Variants in LRMDA observed in about 807,000 individuals in gnomAD.
The protein encoded by LRMDA is leucine rich melanocyte differentiation associated, also known as leucine-rich melanocyte differentiation-associated protein.
In LRMDA, 18 loss-of-function variants were observed where a neutral mutation model predicts 29.8. The ratio of observed to expected loss-of-function variants is 0.60; its 90% CI spans 0.42 to 0.90. The LOEUF (loss-of-function observed/expected upper bound fraction) is 0.90. Among genes scored for constraint, LRMDA ranks in the 40% least tolerant of loss-of-function variants. The pLI, the probability that LRMDA is intolerant of heterozygous loss-of-function variation, is 0.00. For synonymous variants in LRMDA, 125 were observed against 109.4 expected (o/e 1.14, Z -0.89); for missense variants, 273 against 273.9 (o/e 1.00, Z 0.02).
intron 2 of LRMDA, among the ~76,000 whole-genome samples, chr10:75,492,553 C>A (rs1004564422): frequency 6.6e-6 from 1 of 152,172 alleles, no homozygotes; most frequent in Non-Finnish European, 1.5e-5. Context: ...AAGACTTGTT[C>A]TCCTCTAGAA....
At chr10:76,289,807 G>A (rs965015810) in intron 5 of LRMDA, among the ~76,000 whole-genome samples, 1 of 152,094 alleles carries the variant, frequency 6.6e-6, no homozygotes, top group Admixed American at 6.6e-5. Context: ...AATCCTTTTC[G>A]AGCATCTGAT....
At chr10:75,957,529 C>T (rs1846684624) in intron 2 of LRMDA, among the ~76,000 whole-genome samples, 1 of 152,134 alleles carries the variant, frequency 6.6e-6, no homozygotes, top group South Asian at 2.1e-4. Context: ...TCATTGTCAC[C>T]AACGGGCCTA....
At chr10:75,792,867 G>A (rs752964770) in intron 2 of LRMDA, among the ~76,000 whole-genome samples, 4 of 152,216 alleles carry the variant, frequency 2.6e-5, no homozygotes, top group Non-Finnish European at 5.9e-5. Context: ...CACCTGGTGA[G>A]TGCTATGTAA....
rs1843568421 is a variant in LRMDA at position 76,557,190 on chromosome 10, T to A, written c.602-19T>A. The A allele has an allele frequency of 6.2e-7, 1 of 1,601,772 alleles. No homozygotes were observed. The highest frequency in any genetic ancestry group is 1.3e-5 in the African/African-American group (1 of 74,590). ...GCTAAGTGTGCCACCTGTAATGATG[T>A]GTGTCTTTTTATTTGCAGGTGTCCT... On this transcript the variant is annotated intron_variant, in intron 6 of 6. Coordinates refer to ENST00000611255, the MANE Select transcript of LRMDA (RefSeq NM_001305581.2).
intron 5 of LRMDA, among the ~76,000 whole-genome samples, chr10:76,280,871 C>G (rs1589408640): frequency 6.6e-6 from 1 of 152,044 alleles, no homozygotes; most frequent in Non-Finnish European, 1.5e-5. Context: ...GTAAAATGAT[C>G]CCTGCCTTCA....
intron 5 of LRMDA, among the ~76,000 whole-genome samples, chr10:76,086,814 T>G (rs1380045747): frequency 6.6e-6 from 1 of 152,126 alleles, no homozygotes; most frequent in Non-Finnish European, 1.5e-5. Flanking sequence ...TCAGGCACAT[T>G]CTAGAACTGC....
In LRMDA at chr10:76,145,748, G is replaced by A. The variant is rs1274752546; in HGVS notation, c.516+86965G>A. On this transcript the variant is annotated intron_variant, in intron 5 of 6. Transcript: ENST00000611255. ...CTTCTGCTAGCTTTTGAATGTGTTT[G>A]GTCTTGCTTTTCTAGTTCTTTTAAT... Among the ~76,000 whole-genome samples, 5 of 151,954 alleles carry A rather than the reference G, an allele frequency of 3.3e-5. No homozygotes were observed. In the East Asian group the frequency reaches 9.7e-4, roughly 30 times the overall value.
chr10:75,491,227 C>T (rs1378198158), intron 2 of LRMDA, among the ~76,000 whole-genome samples: 1 of 152,174 alleles, frequency 6.6e-6, no homozygotes, highest in African/African-American at 2.4e-5. Context: ...CTCCCACCAA[C>T]TGTTTTAAGA....
At chr10:75,960,324 G>A (rs943564498) in intron 2 of LRMDA, among the ~76,000 whole-genome samples, 8 of 152,238 alleles carry the variant, frequency 5.3e-5, no homozygotes, top group Middle Eastern at 3.4e-3. Flanking sequence ...TGATCATTGC[G>A]GCAAAGGAAG....
intron 2 of LRMDA, among the ~76,000 whole-genome samples, chr10:75,837,968 CCGATCTCAGAAGCTTGTTTTTCAA>C (rs2132297783): frequency 6.6e-6 from 1 of 151,934 alleles, no homozygotes; most frequent in African/African-American, 2.4e-5. Flanking sequence ...CTTTTTGTAC[CCGATCTCAGAAGCTTGTTTTTCAA>C]CTGAATTGAA....
At chr10:76,281,110 C>A (rs985037527) in intron 5 of LRMDA, among the ~76,000 whole-genome samples, 5 of 152,126 alleles carry the variant, frequency 3.3e-5, no homozygotes, top group African/African-American at 1.2e-4. Context: ...TCATTCTGCT[C>A]GTGGTAGAAT....
intron 5 of LRMDA, among the ~76,000 whole-genome samples, chr10:76,252,519 C>A (rs976999438): frequency 6.6e-6 from 1 of 152,190 alleles, no homozygotes; most frequent in East Asian, 1.9e-4. Flanking sequence ...TGGCCAAGAG[C>A]AGAGCCATTT....
At chr10:75,770,427 A>C (rs1843224257) in intron 2 of LRMDA, among the ~76,000 whole-genome samples, 1 of 152,240 alleles carries the variant, frequency 6.6e-6, no homozygotes, top group African/African-American at 2.4e-5. Flanking sequence ...ATTTTATGTA[A>C]TATGTATTTC....
chr10:75,436,073 A>AG (rs1466496986), intron 1 of LRMDA, among the ~76,000 whole-genome samples: 5 of 146,966 alleles, frequency 3.4e-5, no homozygotes, highest in East Asian at 1.9e-4. Flanking sequence ...AAAAAAAAAA[A>AG]AGAGAGAGAG....
intron 2 of LRMDA, among the ~76,000 whole-genome samples, chr10:76,000,479 G>A (rs1589282943): frequency 6.6e-6 from 1 of 152,194 alleles, no homozygotes; most frequent in East Asian, 1.9e-4. Flanking sequence ...CTGAACAATG[G>A]TGAGAGGGAA....
intron 3 of LRMDA, among the ~76,000 whole-genome samples, chr10:76,044,754 A>G (rs1365417161): frequency 3.3e-5 from 5 of 151,892 alleles, no homozygotes; most frequent in Admixed American, 6.6e-5. Context: ...CCATCTCTGG[A>G]TGTTATTTGT....
intron 5 of LRMDA, chr10:76,319,274 C>A (rs1840739912): frequency 6.6e-6 from 1 of 152,214 alleles, no homozygotes; most frequent in African/African-American, 2.4e-5. Flanking sequence ...GAATTGACTT[C>A]TTCCTGTATT....
intron 2 of LRMDA, among the ~76,000 whole-genome samples, chr10:75,540,461 T>G (rs1840001996): frequency 6.6e-6 from 1 of 152,222 alleles, no homozygotes; most frequent in African/African-American, 2.4e-5. Context: ...CATAGGATTC[T>G]CGTTTTATCA....
In LRMDA at chr10:75,498,448, G is replaced by A. The variant is rs915728442; in HGVS notation, c.131+59954G>A. On this transcript the variant is annotated intron_variant, in intron 2 of 6. Transcript: ENST00000611255. The stretch of plus-strand genomic sequence containing the variant: ...AGCTCCACCTCCCAGATGGAGCGAC[G>A]TGTGTGTGTGCACGAGTGTTTGCGT... 3.9e-5 allele frequency among the ~76,000 whole-genome samples: 6 copies of A among 152,148 alleles called. 1 individual carries two copies. The highest frequency in any genetic ancestry group is 4.1e-4 in the South Asian group (2 of 4,828).
Sources: allele counts gnomAD v4.1 joint callset (sites outside exome capture counted in the v4.1 genomes callset), GRCh38; gene constraint gnomAD v4.1.1; transcripts MANE v1.5; gene names NCBI Gene and HGNC (gene_info 2026-07-23, HGNC 2026-07-21).